Variants in UNC5D observed in about 807,000 individuals in gnomAD.
UNC5D encodes the protein netrin receptor UNC5D.
A neutral mutation model predicts 105.4 loss-of-function variants in UNC5D; 39 were observed. The ratio of observed to expected loss-of-function variants is 0.37; its 90% CI spans 0.29 to 0.48. The LOEUF is 0.48. Among genes scored for constraint, UNC5D ranks in the 20% least tolerant of loss-of-function variants. The pLI is 0.98. For missense variants in UNC5D, 991 were observed against 1,202.4 expected, an observed-to-expected ratio of 0.82 and a Z score of 2.60; for synonymous variants, 452 against 450.4, an observed-to-expected ratio of 1.00 and a Z score of -0.04.
intron 4 of UNC5D, among the ~76,000 whole-genome samples, chr8:35,676,515 T>C (rs2131303228): frequency 6.6e-6 from 1 of 152,336 alleles, no homozygotes; most frequent in Middle Eastern, 3.4e-3. Context: ...AGGTGGTCAA[T>C]TTATTGATCC....
At chr8:35,611,672 G>T (rs1250604349) in intron 4 of UNC5D, among the ~76,000 whole-genome samples, 9 of 152,164 alleles carry the variant, frequency 5.9e-5, no homozygotes, top group Admixed American at 5.9e-4. Flanking sequence ...GGATGTATTA[G>T]AACATATTTG....
At chr8:35,448,297 AAGAC>A (rs1807928900) in intron 1 of UNC5D, among the ~76,000 whole-genome samples, 1 of 152,090 alleles carries the variant, frequency 6.6e-6, no homozygotes, top group Non-Finnish European at 1.5e-5. Flanking sequence ...GAGTATTTTT[AAGAC>A]AGACTTGAGG....
chr8:35,436,466 A>G (rs1011027287), intron 1 of UNC5D, among the ~76,000 whole-genome samples: 6 of 152,096 alleles, frequency 3.9e-5, no homozygotes. Flanking sequence ...TTAGTATTAT[A>G]GAAGCTAAAC....
chr8:35,451,782 T>C (rs1808167664), intron 1 of UNC5D, among the ~76,000 whole-genome samples: 1 of 152,188 alleles, frequency 6.6e-6, no homozygotes, highest in African/African-American at 2.4e-5. Context: ...ATGTCATGGT[T>C]ATGTGCTTTC....
At chr8:35,686,851 A>C in intron 7 of UNC5D, 142 bp downstream of exon 7, 1 of 1,051,348 alleles carries the variant, frequency 9.5e-7, no homozygotes. Context: ...TTAGGTAAAA[A>C]GTGCAGAAAA....
At chr8:35,295,855 A>G (rs890881895) in intron 1 of UNC5D, among the ~76,000 whole-genome samples, 1 of 152,104 alleles carries the variant, frequency 6.6e-6, no homozygotes, top group African/African-American at 2.4e-5. Context: ...GCCTCTGACA[A>G]TCACCATTCC....
chr8:35,657,454 C>T (rs577114322), intron 4 of UNC5D, among the ~76,000 whole-genome samples: 1 of 151,438 alleles, frequency 6.6e-6, no homozygotes, highest in East Asian at 2.0e-4. Flanking sequence ...TTGGGCATTA[C>T]CAGTATTTTG....
intron 1 of UNC5D, among the ~76,000 whole-genome samples, chr8:35,405,506 A>G (rs1804747660): frequency 6.6e-6 from 1 of 152,178 alleles, no homozygotes; most frequent in Admixed American, 6.5e-5. Flanking sequence ...AGCAATATAG[A>G]TTTAATAATA....
intron 1 of UNC5D, among the ~76,000 whole-genome samples, chr8:35,490,342 C>T (rs79807235): frequency 4.6e-5 from 7 of 152,116 alleles, no homozygotes; most frequent in African/African-American, 1.7e-4. Flanking sequence ...ATCTCTACAA[C>T]TTTTTTTAAA....
intron 16 of UNC5D, among the ~76,000 whole-genome samples, chr8:35,782,316 A>T (rs1369178924): frequency 6.6e-6 from 1 of 152,160 alleles, no homozygotes; most frequent in Non-Finnish European, 1.5e-5. Context: ...TTGGTCACAT[A>T]AGAGGCCTTC....
In UNC5D at chr8:35,796,409, G is replaced by A. The variant is rs1803255670; in HGVS notation, c.*5846G>A. On this transcript the variant is annotated 3_prime_UTR_variant, in exon 17 of 17. Transcript: ENST00000404895. Reference sequence around the variant, plus strand: ...TGTATTGAACAAAATGGACGGTTTGGATGTTTTATGTCGAGTTTGCAAAAA... The same window carrying A: ...TGTATTGAACAAAATGGACGGTTTGAATGTTTTATGTCGAGTTTGCAAAAA... 8.2e-6 allele frequency: 1 copy of A among 122,536 alleles called. No individual in the cohort carries two copies. The allele number at this position is 122,536 out of a possible 1,614,324, so 7.6% of individuals were successfully genotyped here. A position where few individuals can be genotyped will look rare whatever the true frequency, so the allele number is the denominator to read the frequency against.
chr8:35,692,615 A>G (rs1016367348), intron 7 of UNC5D, among the ~76,000 whole-genome samples: 1 of 152,206 alleles, frequency 6.6e-6, no homozygotes, highest in Non-Finnish European at 1.5e-5. Context: ...ACTTGACTCA[A>G]TCTAGACTTT....
chr8:35,435,038 T>A (rs2128978471), intron 1 of UNC5D, among the ~76,000 whole-genome samples: 1 of 152,220 alleles, frequency 6.6e-6, no homozygotes, highest in Non-Finnish European at 1.5e-5. Flanking sequence ...TAAAAAAAAG[T>A]TAAAGATCTT....
At chr8:35,721,993 A>C (rs1429627922) in intron 8 of UNC5D, among the ~76,000 whole-genome samples, 1 of 152,266 alleles carries the variant, frequency 6.6e-6, no homozygotes, top group African/African-American at 2.4e-5. Flanking sequence ...ACCTTAATGC[A>C]GTTAAGATAT....
intron 4 of UNC5D, among the ~76,000 whole-genome samples, chr8:35,613,940 T>C (rs1209326573): frequency 2.6e-5 from 4 of 152,172 alleles, no homozygotes; most frequent in Non-Finnish European, 4.4e-5. Flanking sequence ...AAAGTATCCA[T>C]TGGAACAAAG....
rs144954657 is a variant in UNC5D at position 35,553,016 on chromosome 8, A to G, written c.322+3506A>G. Among the ~76,000 whole-genome samples the G allele has an allele frequency of 2.4e-3, 362 of 152,312 alleles. 2 individuals are homozygous for G. The highest frequency in any genetic ancestry group is 8.2e-3 in the African/African-American group (339 of 41,568). ...GGGGCTGTATGTTTTTTATCATCAG[A>G]TGTCTCTGTCCTAGATTTTGCCCAC... On this transcript the variant is annotated intron_variant, in intron 2 of 16. Coordinates refer to ENST00000404895, the MANE Select transcript of UNC5D (RefSeq NM_080872.4).
At chr8:35,244,239 C>G (rs1802956467) in intron 1 of UNC5D, among the ~76,000 whole-genome samples, 1 of 152,294 alleles carries the variant, frequency 6.6e-6, no homozygotes, top group East Asian at 1.9e-4. Flanking sequence ...TAGTGATAAA[C>G]AGTGCTAGGA....
chr8:35,762,221 C>A (rs542183283), intron 14 of UNC5D, among the ~76,000 whole-genome samples: 145 of 152,076 alleles, frequency 9.5e-4, no homozygotes, highest in Non-Finnish European at 1.8e-3. Flanking sequence ...AATGTTTTCC[C>A]TATCAGACAC....
In UNC5D at chr8:35,525,627, G is replaced by A. The variant is rs1471910684; in HGVS notation, c.104-23665G>A. On this transcript the variant is annotated intron_variant, in intron 1 of 16. Coordinates refer to ENST00000404895, the MANE Select transcript of UNC5D (RefSeq NM_080872.4). ...GTCTGCATGGTTGGGCTTTCCACTG[G>A]AAGAGGGACATTTTAAAGCCAGCAT... The A allele has an allele frequency of 1.9e-6, 3 of 1,613,328 alleles. No homozygotes were observed. The African/African-American group carries it at 4.0e-5, about 22-fold the overall frequency.
Sources: gnomAD v4.1 joint callset for allele counts (sites outside exome capture counted in the v4.1 genomes callset) on GRCh38, gnomAD v4.1.1 for gene constraint, MANE v1.5 for transcripts, NCBI Gene and HGNC (gene_info 2026-07-23, HGNC 2026-07-21) for gene names.